The following COPS4 variants were observed in gnomAD, a reference collection of about 807,000 sequenced individuals.
The protein encoded by COPS4 is COP9 signalosome subunit 4, also known as COP9 signalosome complex subunit 4.
COPS4 carries 8 observed loss-of-function variants against 55.1 expected under a neutral mutation model. The ratio of observed to expected loss-of-function variants is 0.15; its 90% CI spans 0.09 to 0.26. COPS4 has a LOEUF of 0.26. Among genes scored for constraint, COPS4 ranks in the 10% least tolerant of loss-of-function variants. The pLI is 1.00. For missense variants in COPS4, 248 were observed against 484.0 expected, an observed-to-expected ratio of 0.51 and a Z score of 4.58; for synonymous variants, 185 against 165.7, an observed-to-expected ratio of 1.12 and a Z score of -0.90.
intron 1 of COPS4, among the ~76,000 whole-genome samples, chr4:83,036,393 CT>C (rs1167133393): frequency 6.6e-6 from 1 of 152,194 alleles, no homozygotes; most frequent in Non-Finnish European, 1.5e-5. Context: ...CTGTTCTAAC[CT>C]GGTCATTGAA....
In COPS4 at chr4:83,056,979, A is replaced by T; in HGVS notation, c.464A>T (p.Tyr155Phe). 6.2e-7 allele frequency: 1 copy of T among 1,613,524 alleles called. No homozygotes were observed. Among genetic ancestry groups the T allele is most frequent in the Non-Finnish European group, 8.5e-7 (1 of 1,179,398 alleles). Residue 155 changes from tyrosine to phenylalanine, a missense_variant, in exon 5 of 10, where the codon TAT (tyrosine) becomes TTT (phenylalanine). Tyr to Phe is a conservative substitution (Grantham distance 22). Coordinates refer to ENST00000264389, the MANE Select transcript of COPS4 (RefSeq NM_016129.3). ...ACTTACTTGAAGATTGCTAGGCTAT[A>T]TCTGGAGGATGATGATCCAGTCCAG... ...LETYLKIARL[Y>F]LEDDDPVQAE...
At chr4:83,051,933 G>A (rs1231320480) in intron 4 of COPS4, among the ~76,000 whole-genome samples, 2 of 152,208 alleles carry the variant, frequency 1.3e-5, no homozygotes, top group Admixed American at 6.5e-5. Flanking sequence ...ATAATGTGGA[G>A]GGTGGTGTCC....
intron 2 of COPS4, among the ~76,000 whole-genome samples, chr4:83,048,784 G>A (rs1414577710): frequency 6.6e-6 from 1 of 152,006 alleles, no homozygotes; most frequent in Admixed American, 6.6e-5. Flanking sequence ...TGGGACTACA[G>A]GTGCCCACCA....
intron 6 of COPS4, chr4:83,062,829 T>C: frequency 2.9e-6 from 1 of 344,240 alleles, no homozygotes; most frequent in Non-Finnish European, 5.2e-6. Flanking sequence ...GGTTACAGAT[T>C]AATTCATTGA....
chr4:83,047,255 G>C (rs1730739468), intron 2 of COPS4, among the ~76,000 whole-genome samples: 1 of 152,134 alleles, frequency 6.6e-6, no homozygotes, highest in Non-Finnish European at 1.5e-5. Flanking sequence ...TTTGATCTTG[G>C]CTGGGCACGG....
At chr4:83,073,773 A>G (rs927187866) in intron 9 of COPS4, among the ~76,000 whole-genome samples, 4 of 151,112 alleles carry the variant, frequency 2.6e-5, no homozygotes, top group African/African-American at 4.9e-5. Flanking sequence ...GCCAACCAAC[A>G]TGGTGAAACC....
At chr4:83,070,966 A>G (rs933621141) in intron 9 of COPS4, among the ~76,000 whole-genome samples, 1 of 152,008 alleles carries the variant, frequency 6.6e-6, no homozygotes, top group Non-Finnish European at 1.5e-5. Flanking sequence ...TCTTCCCCCT[A>G]TCAAACATTC....
intron 4 of COPS4, among the ~76,000 whole-genome samples, chr4:83,054,029 GTACCAACTGTGAAGGACT>G (rs1730955476): frequency 6.6e-6 from 1 of 151,992 alleles, no homozygotes; most frequent in African/African-American, 2.4e-5. Context: ...GTATAAAACG[GTACCAACTGTGAAGGACT>G]TAAAAATATC....
chr4:83,063,122 G>A lies in COPS4; in HGVS notation c.762G>A (p.Arg254=). ...RMLATLFKDE[R]CQQLAAYGIL... is the part of the protein sequence containing the mutation. The stretch of plus-strand genomic sequence containing the variant: ...TAGCTACTCTTTTTAAGGATGAAAG[G>A]TGCCAGCAACTTGCTGCCTATGGGA... The change falls in exon 7 of 10, where the codon AGG becomes AGA. Residue 254 remains arginine (R), a synonymous_variant. Transcript: ENST00000264389. 1 of 1,595,590 alleles carries A rather than the reference G, an allele frequency of 6.3e-7. No individual in the cohort carries two copies. The highest frequency in any genetic ancestry group is 8.5e-7 in the Non-Finnish European group (1 of 1,172,598).
At chr4:83,052,256 T>A (rs1420749747) in intron 4 of COPS4, among the ~76,000 whole-genome samples, 1 of 152,120 alleles carries the variant, frequency 6.6e-6, no homozygotes, top group Non-Finnish European at 1.5e-5. Context: ...TCTTTTATGA[T>A]CCAGTAGAAA....
chr4:83,047,427 T>G (rs986690054), intron 2 of COPS4, among the ~76,000 whole-genome samples: 4 of 61,060 alleles, frequency 6.6e-5, no homozygotes, highest in African/African-American at 1.4e-4. Context: ...TGGTGATGCA[T>G]GCCTGTAGTC....
At chr4:83,068,835 T>G (rs1448752700) in intron 9 of COPS4, among the ~76,000 whole-genome samples, 1 of 151,894 alleles carries the variant, frequency 6.6e-6, no homozygotes, top group African/African-American at 2.4e-5. Flanking sequence ...CCAGGTGTGG[T>G]GACAGGCACC....
chr4:83,042,716 C>T (rs555958268), intron 1 of COPS4, among the ~76,000 whole-genome samples: 1 of 152,034 alleles, frequency 6.6e-6, no homozygotes, highest in Non-Finnish European at 1.5e-5. Context: ...AATCCTCCCC[C>T]CTCAGCCTCC....
In COPS4 at chr4:83,063,159, A is replaced by G; in HGVS notation, c.799A>G (p.Met267Val). 6.2e-7 allele frequency: 1 copy of G among 1,612,262 alleles called. No homozygotes were observed. The highest frequency in any genetic ancestry group is 8.5e-7 in the Non-Finnish European group (1 of 1,179,376). ...QLAAYGILEKMYLDRIIRGNQ... is the reference protein window; with the variant it reads ...QLAAYGILEKVYLDRIIRGNQ... ...TGCTGCCTATGGGATCCTAGAGAAA[A>G]TGTATCTAGATAGGATCATCAGAGG... Residue 267 changes from methionine (M) to valine (V), a missense_variant, in exon 7 of 10, where the codon ATG becomes GTG. By Grantham distance (21) the Met-to-Val change is conservative. This residue lies in a region of COPS4 where 155 missense variants were observed against 326.6 expected (regional missense o/e 0.47). Coordinates refer to ENST00000264389, the MANE Select transcript of COPS4 (RefSeq NM_016129.3).
chr4:83,044,681 A>G (rs780208256), intron 1 of COPS4, among the ~76,000 whole-genome samples: 4 of 151,522 alleles, frequency 2.6e-5, no homozygotes, highest in Non-Finnish European at 5.9e-5. Flanking sequence ...AGGCTGAGGC[A>G]GGAGAATCGC....
At chr4:83,045,473 TAAAAA>T (rs1013086539) in intron 1 of COPS4, 148 bp from the exon 2 acceptor site, 1 of 469,998 alleles carries the variant, frequency 2.1e-6, no homozygotes, top group Non-Finnish European at 3.8e-6. Context: ...ACTAGAAACT[TAAAAA>T]AAAATCTGTG....
intron 7 of COPS4, among the ~76,000 whole-genome samples, chr4:83,066,187 AG>A (rs1475496326): frequency 1.3e-5 from 2 of 152,220 alleles, no homozygotes; most frequent in Admixed American, 6.5e-5. Context: ...TGAAGAAGCA[AG>A]ATTCTAAACC....
intron 4 of COPS4, among the ~76,000 whole-genome samples, chr4:83,054,486 T>C (rs1730967694): frequency 6.6e-6 from 1 of 152,258 alleles, no homozygotes; most frequent in African/African-American, 2.4e-5. Context: ...CTTGCCTTTT[T>C]TGTGCATTAT....
At chr4:83,036,879 G>C (rs1370634617) in intron 1 of COPS4, among the ~76,000 whole-genome samples, 1 of 152,166 alleles carries the variant, frequency 6.6e-6, no homozygotes, top group East Asian at 1.9e-4. Flanking sequence ...ATAGAGCTTT[G>C]CAAGTATTTG....
Sources: gnomAD v4.1 joint callset for allele counts (sites outside exome capture counted in the v4.1 genomes callset) on GRCh38, gnomAD v4.1.1 for gene constraint, gnomAD v4.1.1 regional missense constraint, MANE v1.5 for transcripts, NCBI Gene and HGNC (gene_info 2026-07-23, HGNC 2026-07-21) for gene names.